KIAA0825: variants seen among roughly 807,000 people sequenced by gnomAD.
KIAA0825 encodes the protein KIAA0825.
KIAA0825 carries 119 observed loss-of-function variants against 147.6 expected under a neutral mutation model. The ratio of observed to expected loss-of-function variants is 0.81; its 90% CI spans 0.69 to 0.94. The LOEUF is 0.94. Ranked by LOEUF, KIAA0825 falls within the 40% of genes least tolerant of loss-of-function variation. KIAA0825 has a pLI of 0.00. For missense variants in KIAA0825, 1,381 were observed against 1,472.7 expected (o/e 0.94, Z 1.02); for synonymous variants, 470 against 518.1 (o/e 0.91, Z 1.26).
intron 5 of KIAA0825, among the ~76,000 whole-genome samples, chr5:94,498,238 T>C (rs988315679): frequency 2.0e-5 from 3 of 152,196 alleles, no homozygotes; most frequent in Non-Finnish European, 4.4e-5. Flanking sequence ...TTGTCCACTT[T>C]TTATTTGACT....
chr5:94,504,699 T>C (rs948692490), intron 5 of KIAA0825, among the ~76,000 whole-genome samples: 6 of 151,808 alleles, frequency 4.0e-5, no homozygotes, highest in Non-Finnish European at 2.9e-5. Flanking sequence ...GTATTTATTA[T>C]AAATCAAAGT....
chr5:94,399,065 G>C (rs1348927721), intron 16 of KIAA0825, among the ~76,000 whole-genome samples: 2 of 152,072 alleles, frequency 1.3e-5, no homozygotes, highest in African/African-American at 4.8e-5. Flanking sequence ...AATCTCCTAA[G>C]ACTGTTGCAT....
At chr5:94,167,328 A>C (rs1768140946) in intron 20 of KIAA0825, among the ~76,000 whole-genome samples, 4 of 152,200 alleles carry the variant, frequency 2.6e-5, no homozygotes, top group African/African-American at 9.6e-5. Context: ...TTATCTTCTC[A>C]AAAATAGAGT....
At chr5:94,538,182 C>A (rs1031265221) in intron 2 of KIAA0825, among the ~76,000 whole-genome samples, 8 of 152,036 alleles carry the variant, frequency 5.3e-5, no homozygotes, top group African/African-American at 1.7e-4. Context: ...TATATTTAAT[C>A]AAAAATCATA....
chr5:94,262,877 T>G (rs1007174157), intron 20 of KIAA0825, among the ~76,000 whole-genome samples: 1 of 152,020 alleles, frequency 6.6e-6, no homozygotes, highest in African/African-American at 2.4e-5. Flanking sequence ...CCCAGAAAAT[T>G]TATTTCCTTC....
In KIAA0825 at chr5:94,513,118, T is replaced by C. The variant is rs371209188; in HGVS notation, c.970+7130A>G. 1.1e-4 allele frequency among the ~76,000 whole-genome samples: 16 copies of C among 152,202 alleles called. No individual in the cohort carries two copies. In the East Asian group the frequency reaches 1.5e-3, roughly 15 times the overall value. On this transcript the variant is annotated intron_variant, in intron 5 of 20. Coordinates refer to ENST00000682413, the MANE Select transcript of KIAA0825 (RefSeq NM_001145678.3). ...AAGATAAGTTTGTTCACTTTTAGTATAGTTTTATTCTAAACTTCTTTTCAG... is the reference window on the plus strand; with the variant it reads ...AAGATAAGTTTGTTCACTTTTAGTACAGTTTTATTCTAAACTTCTTTTCAG...
intron 3 of KIAA0825, among the ~76,000 whole-genome samples, chr5:94,533,995 G>A (rs1325183155): frequency 6.6e-6 from 1 of 152,164 alleles, no homozygotes; most frequent in Non-Finnish European, 1.5e-5. Flanking sequence ...ATATTAAGAA[G>A]AGAGAAGGAA....
intron 3 of KIAA0825, among the ~76,000 whole-genome samples, chr5:94,534,516 G>T (rs546319334): frequency 6.6e-6 from 1 of 152,050 alleles, no homozygotes; most frequent in African/African-American, 2.4e-5. Flanking sequence ...ACTTGAAGAC[G>T]TTCTGCTCTA....
At chr5:94,539,037 T>C (rs910795272) in intron 2 of KIAA0825, among the ~76,000 whole-genome samples, 14 of 152,134 alleles carry the variant, frequency 9.2e-5, no homozygotes, top group African/African-American at 2.9e-4. Context: ...CAGGATGAGA[T>C]AGGAGGTCAG....
intron 20 of KIAA0825, among the ~76,000 whole-genome samples, chr5:94,245,519 C>T (rs1046231830): frequency 6.6e-6 from 1 of 152,054 alleles, no homozygotes; most frequent in Non-Finnish European, 1.5e-5. Context: ...TCCTCTTTAC[C>T]CCTTTCTCCC....
intron 20 of KIAA0825, among the ~76,000 whole-genome samples, chr5:94,351,866 T>C (rs1415435794): frequency 1.3e-5 from 2 of 152,214 alleles, no homozygotes; most frequent in Admixed American, 1.3e-4. Flanking sequence ...GATAATTGGC[T>C]AGCCACATGT....
chr5:94,290,319 G>A (rs1777832729), intron 20 of KIAA0825, among the ~76,000 whole-genome samples: 1 of 152,054 alleles, frequency 6.6e-6, no homozygotes, highest in Non-Finnish European at 1.5e-5. Context: ...GGTGTGTGAT[G>A]TTCCCCTCCT....
chr5:94,342,018 C>T (rs529505923), intron 20 of KIAA0825, among the ~76,000 whole-genome samples: 2 of 152,062 alleles, frequency 1.3e-5, no homozygotes, highest in East Asian at 3.9e-4. Flanking sequence ...GTGGTGAAAC[C>T]CCGTCTCTAC....
At chr5:94,533,335 G>A (rs1771282597) in intron 3 of KIAA0825, among the ~76,000 whole-genome samples, 1 of 145,936 alleles carries the variant, frequency 6.9e-6, no homozygotes, top group Admixed American at 7.0e-5. Context: ...GGAGTGCAGT[G>A]GTGTGATCTC....
chr5:94,569,067 T>C (rs75397668), intron 2 of KIAA0825: 1 of 170,772 alleles, frequency 5.9e-6, no homozygotes. Flanking sequence ...CCCGAATCAA[T>C]GCTGGCCCCT....
intron 20 of KIAA0825, among the ~76,000 whole-genome samples, chr5:94,228,818 T>C (rs532399605): frequency 6.6e-6 from 1 of 152,304 alleles, no homozygotes; most frequent in South Asian, 2.1e-4. Context: ...AACAAATATA[T>C]CAGAATGCTT....
chr5:94,237,043 ATGTGTGTG>A (rs36021428), intron 20 of KIAA0825, among the ~76,000 whole-genome samples: 9 of 147,584 alleles, frequency 6.1e-5, no homozygotes, highest in South Asian at 4.3e-4. Flanking sequence ...AATAGGCTAT[ATGTGTGTG>A]TGTGTGTGTG....
chr5:94,215,394 A>G (rs1345491383), intron 20 of KIAA0825, among the ~76,000 whole-genome samples: 3 of 152,224 alleles, frequency 2.0e-5, no homozygotes, highest in Non-Finnish European at 4.4e-5. Flanking sequence ...ATGGGTGGGA[A>G]TGGAGAAAAG....
Position 94,299,470 on chromosome 5 carries a change from C to A in KIAA0825, c.3710+84898G>T, listed in dbSNP as rs539681750. Among the ~76,000 whole-genome samples, 26 of 152,016 alleles carry A rather than the reference C, an allele frequency of 1.7e-4. 1 individual carries two copies. The highest frequency in any genetic ancestry group is 3.9e-4 in the Admixed American group (6 of 15,262). On this transcript the variant is annotated intron_variant, in intron 20 of 20. Coordinates refer to ENST00000682413, the MANE Select transcript of KIAA0825 (RefSeq NM_001145678.3). The stretch of plus-strand genomic sequence containing the variant: ...TCCTGGGCTCAAGTGACCCTCCTGT[C>A]TCCCAAAGTGCTGAGATTACAGGCA...
Sources: gnomAD v4.1 joint callset for allele counts (sites outside exome capture counted in the v4.1 genomes callset) on GRCh38, gnomAD v4.1.1 for gene constraint, MANE v1.5 for transcripts, NCBI Gene and HGNC (gene_info 2026-07-23, HGNC 2026-07-21) for gene names.